The following HS2ST1 variants were observed in gnomAD, a reference collection of about 807,000 sequenced individuals.
HS2ST1 encodes the protein 2-O-sulfotransferase.
HS2ST1 carries 18 observed loss-of-function variants against 42.9 expected under a neutral mutation model. The observed-to-expected ratio is 0.42, with a 90% CI of 0.29 to 0.62. HS2ST1 has a LOEUF of 0.62. Among genes scored for constraint, HS2ST1 ranks in the 20% least tolerant of loss-of-function variants. The pLI, the probability that HS2ST1 is intolerant of heterozygous loss-of-function variation, is 0.21. For synonymous variants in HS2ST1, 146 were observed against 152.9 expected, an observed-to-expected ratio of 0.95 and a Z score of 0.33; for missense variants, 334 against 433.8, an observed-to-expected ratio of 0.77 and a Z score of 2.04.
Position 86,914,982 on chromosome 1 carries a change from C to A in HS2ST1, c.-55C>A. On this transcript the variant is annotated 5_prime_UTR_variant, in exon 1 of 7. Transcript: ENST00000370550. ...CTCCTCCCGGCGTCTCTCTCGCCTC[C>A]GGGGTCCCGCTCCCCGCCCCCCGCG... The A allele has an allele frequency of 1.2e-6, 2 of 1,608,850 alleles. No homozygotes were observed. Among genetic ancestry groups the A allele is most frequent in the Admixed American group, 1.7e-5 (1 of 59,802 alleles).
intron 1 of HS2ST1, among the ~76,000 whole-genome samples, chr1:87,004,818 A>G (rs1455667664): frequency 2.6e-5 from 4 of 152,236 alleles, no homozygotes; most frequent in South Asian, 2.1e-4. Context: ...CATATAGTGC[A>G]TATTCTCAAC....
chr1:87,033,542 TG>T (rs11341142), intron 1 of HS2ST1, among the ~76,000 whole-genome samples: 2,134 of 151,882 alleles, frequency 0.014, 57 homozygotes, highest in African/African-American at 0.049. Flanking sequence ...TTTGTTTTTT[TG>T]TTTGTTTGTT....
In HS2ST1 at chr1:86,991,812, A is replaced by C. The variant is rs12075484; in HGVS notation, c.124+76652A>C. On this transcript the variant is annotated intron_variant, in intron 1 of 6. Transcript: ENST00000370550. Reference sequence around the variant, plus strand: ...GCTTAGTGTAGTTTGGCTCTTTACTACTCACATTAACATATTAATAGAAGA... The same window carrying C: ...GCTTAGTGTAGTTTGGCTCTTTACTCCTCACATTAACATATTAATAGAAGA... 6.8e-3 allele frequency among the ~76,000 whole-genome samples: 1,040 copies of C among 152,284 alleles called. 18 individuals are homozygous for C. The highest frequency in any genetic ancestry group is 0.024 in the African/African-American group (1,007 of 41,568).
At chr1:87,040,856 C>T (rs1030283168) in intron 1 of HS2ST1, among the ~76,000 whole-genome samples, 1 of 152,072 alleles carries the variant, frequency 6.6e-6, no homozygotes, top group Non-Finnish European at 1.5e-5. Flanking sequence ...GAAAGTAGTA[C>T]AATTTCCAAG....
chr1:87,039,004 A>G (rs1486029486), intron 1 of HS2ST1, among the ~76,000 whole-genome samples: 1 of 152,216 alleles, frequency 6.6e-6, no homozygotes, highest in Non-Finnish European at 1.5e-5. Flanking sequence ...ATGTATATGG[A>G]AAAAATAAAT....
At chr1:87,009,830 C>T (rs1369739843) in intron 1 of HS2ST1, among the ~76,000 whole-genome samples, 1 of 151,876 alleles carries the variant, frequency 6.6e-6, no homozygotes, top group Non-Finnish European at 1.5e-5. Flanking sequence ...GTCAGGAGAT[C>T]GAGACCATCC....
At chr1:86,973,153 T>A (rs1648286547) in intron 1 of HS2ST1, among the ~76,000 whole-genome samples, 1 of 152,158 alleles carries the variant, frequency 6.6e-6, no homozygotes, top group Admixed American at 6.5e-5. Flanking sequence ...ACTTTGAGAC[T>A]ATGCAGATAA....
At chr1:86,975,531 TAA>T (rs1022326745) in intron 1 of HS2ST1, among the ~76,000 whole-genome samples, 1 of 152,166 alleles carries the variant, frequency 6.6e-6, no homozygotes, top group Non-Finnish European at 1.5e-5. Context: ...GTAGATAATC[TAA>T]ATGAGACTGC....
At chr1:86,926,903 C>T (rs539017553) in intron 1 of HS2ST1, among the ~76,000 whole-genome samples, 49 of 152,224 alleles carry the variant, frequency 3.2e-4, no homozygotes, top group African/African-American at 1.2e-3. Context: ...AAGTTTCAAG[C>T]GTATGTTAGT....
chr1:87,058,696 C>T (rs1455694516), intron 1 of HS2ST1, among the ~76,000 whole-genome samples: 1 of 151,580 alleles, frequency 6.6e-6, no homozygotes, highest in Non-Finnish European at 1.5e-5. Flanking sequence ...TAATTCATAT[C>T]TCTGAGTCTA....
At position 87,046,563 on chromosome 1, in the gene HS2ST1, A is replaced by G; in HGVS notation, c.125-26371A>G. ...ATCAGGTATCTGTTGATAATGGACA[A>G]ACTATGGCGGAAAAGGAAACCTCCA... On this transcript the variant is annotated intron_variant, in intron 1 of 6. Transcript: ENST00000370550. The G allele has an allele frequency of 2.5e-6, 4 of 1,577,932 alleles. No homozygotes were observed. The Admixed American group carries it at 6.7e-5, about 27-fold the overall frequency.
intron 1 of HS2ST1, among the ~76,000 whole-genome samples, chr1:87,067,970 C>A (rs1045276492): frequency 6.6e-6 from 1 of 152,078 alleles, no homozygotes; most frequent in Non-Finnish European, 1.5e-5. Context: ...GGTAGTGTAG[C>A]CTTGTAATAT....
At chr1:87,096,413 T>G (rs1228095337) in intron 4 of HS2ST1, among the ~76,000 whole-genome samples, 1 of 152,238 alleles carries the variant, frequency 6.6e-6, no homozygotes, top group Non-Finnish European at 1.5e-5. Context: ...TATACAGCGT[T>G]AAAAACTCAT....
Position 86,915,034 on chromosome 1 carries a change from TTCATGGGGC to T in HS2ST1, c.1_9del (p.MetGlyLeu1_?3). Reference sequence around the variant, plus strand: ...TATGTCTTGATCCCGAGCAGCGGGTTTCATGGGGCTCCTCAGGATTATGATGCCGCCCAA... The same window carrying T: ...TATGTCTTGATCCCGAGCAGCGGGTTTCCTCAGGATTATGATGCCGCCCAA... On this transcript the variant is annotated start_lost and 5_prime_UTR_variant, in exon 1 of 7. Transcript: ENST00000370550. 2 of 1,614,068 alleles carry T rather than the reference TTCATGGGGC, an allele frequency of 1.2e-6. No homozygotes were observed. The highest frequency in any genetic ancestry group is 1.7e-6 in the Non-Finnish European group (2 of 1,180,004).
At chr1:86,960,298 T>C (rs766542934) in intron 1 of HS2ST1, among the ~76,000 whole-genome samples, 25 of 150,802 alleles carry the variant, frequency 1.7e-4, no homozygotes, top group Admixed American at 4.0e-4. Context: ...GAGTGAATTG[T>C]AGCCTTTAAT....
At chr1:87,103,956 GTAT>G (rs1017374858) in intron 6 of HS2ST1, among the ~76,000 whole-genome samples, 12 of 152,136 alleles carry the variant, frequency 7.9e-5, no homozygotes, top group Non-Finnish European at 1.3e-4. Flanking sequence ...AGCCTCAGCC[GTAT>G]TATCATGTGT....
At chr1:87,055,051 A>G (rs905350747) in intron 1 of HS2ST1, among the ~76,000 whole-genome samples, 3 of 152,134 alleles carry the variant, frequency 2.0e-5, no homozygotes, top group African/African-American at 7.2e-5. Flanking sequence ...CTGGAAATTC[A>G]TGGGGCTGGG....
intron 1 of HS2ST1, among the ~76,000 whole-genome samples, chr1:86,957,495 C>T (rs943387109): frequency 2.6e-5 from 4 of 152,184 alleles, no homozygotes; most frequent in Non-Finnish European, 5.9e-5. Flanking sequence ...TTGCTAAGGT[C>T]TCTGCTCTTT....
chr1:87,024,228 G>A (rs1040963465), intron 1 of HS2ST1, among the ~76,000 whole-genome samples: 4 of 152,034 alleles, frequency 2.6e-5, no homozygotes, highest in Admixed American at 1.3e-4. Flanking sequence ...CTGGCTGGGC[G>A]CAGTGGCTCA....
Sources: allele counts gnomAD v4.1 joint callset (sites outside exome capture counted in the v4.1 genomes callset), GRCh38; gene constraint gnomAD v4.1.1; transcripts MANE v1.5; gene names NCBI Gene and HGNC (gene_info 2026-07-23, HGNC 2026-07-21).